Variants in DMD observed in about 807,000 individuals in gnomAD.
The protein encoded by DMD is dystrophin, also known as mutant dystrophin.
In DMD, 63 loss-of-function variants were observed where a neutral mutation model predicts 330.1. That is an observed-to-expected ratio of 0.19 (90% confidence interval 0.16 to 0.24). The LOEUF (loss-of-function observed/expected upper bound fraction) is 0.24. Among genes scored for constraint, DMD ranks in the 10% least tolerant of loss-of-function variants. The probability of loss-of-function intolerance (pLI) is 1.00; values close to 1 mark genes in which losing one functional copy is unlikely to be tolerated. For synonymous variants in DMD, 1,223 were observed against 959.8 expected, an observed-to-expected ratio of 1.27 and a Z score of -5.07; for missense variants, 3,344 against 2,684.1, an observed-to-expected ratio of 1.25 and a Z score of -5.43.
chrX:33,007,372 C>T lies in DMD; in HGVS notation c.93+12767G>A, dbSNP rs73621855. Among the ~76,000 whole-genome samples the T allele has an allele frequency of 3.8e-3, 422 of 111,088 alleles. 3 individuals carry two copies. Among genetic ancestry groups the T allele is most frequent in the African/African-American group, 0.013 (407 of 30,659 alleles). ...TCCCTCTGCCTAGAACTCTCTTCTC[C>T]AAGACACCTGCAAGATGCCCTCCTT... On this transcript the variant is annotated intron_variant, in intron 2 of 78. Transcript: ENST00000357033.
chrX:32,108,052 C>T lies in DMD; in HGVS notation c.6438+108864G>A, dbSNP rs1041639798. 2.7e-5 allele frequency among the ~76,000 whole-genome samples: 3 copies of T among 111,396 alleles called. No individual in the cohort carries two copies. In the Admixed American group the frequency reaches 2.9e-4, roughly 11 times the overall value. On this transcript the variant is annotated intron_variant, in intron 44 of 78. Coordinates refer to ENST00000357033, the MANE Select transcript of DMD (RefSeq NM_004006.3). The stretch of plus-strand genomic sequence containing the variant: ...GACATTCTCTACCCCCTGTCCCAAA[C>T]TTTAAAAAACATTTTGTGTACTGAA...
rs751397754 is a variant in DMD at position 32,970,363 on chromosome X, T to C, written c.93+49776A>G. 1.3e-4 allele frequency among the ~76,000 whole-genome samples: 12 copies of C among 94,654 alleles called. 3 individuals are homozygous for C. Among genetic ancestry groups the C allele is most frequent in the Non-Finnish European group, 2.4e-4 (12 of 49,538 alleles). The allele number at this position is 94,654 out of a possible 115,157, so 82.2% of individuals were successfully genotyped here. A position where few individuals can be genotyped will look rare whatever the true frequency, so the allele number is the denominator to read the frequency against. ...GAAGGATAAATGCTTGAGGGGTGTA[T>C]ATCCCATTCTCCATGATGTGATTAT... is the stretch of plus-strand genomic sequence containing the variant. On this transcript the variant is annotated intron_variant, in intron 2 of 78. Coordinates refer to ENST00000357033, the MANE Select transcript of DMD (RefSeq NM_004006.3).
At chrX:33,263,252 G>A (rs2052988635) in intron 1 of DMD, among the ~76,000 whole-genome samples, 1 of 109,756 alleles carries the variant, frequency 9.1e-6, no homozygotes, top group Non-Finnish European at 1.9e-5. Flanking sequence ...GAACTAGTCT[G>A]TATGTTTACC....
chrX:31,537,018 C>G (rs1038020948), intron 55 of DMD, among the ~76,000 whole-genome samples: 1 of 111,572 alleles, frequency 9.0e-6, no homozygotes, highest in Non-Finnish European at 1.9e-5. Context: ...CTTGCTCCCC[C>G]ACTTTCTCAA....
At chrX:32,252,779 TATAA>T (rs2097275918) in intron 43 of DMD, among the ~76,000 whole-genome samples, 1 of 66,928 alleles carries the variant, frequency 1.5e-5, no homozygotes, top group Non-Finnish European at 2.4e-5. Flanking sequence ...TATAAATATA[TATAA>T]ATATATATAA....
At position 31,145,872 on chromosome X, in the gene DMD, G is replaced by A. The variant is rs182107786; in HGVS notation, c.10921+419C>T. 2.5e-3 allele frequency among the ~76,000 whole-genome samples: 273 copies of A among 111,205 alleles called. 1 individual carries two copies. Among genetic ancestry groups the A allele is most frequent in the African/African-American group, 8.2e-3 (251 of 30,514 alleles). On this transcript the variant is annotated intron_variant, in intron 76 of 78. Coordinates refer to ENST00000357033, the MANE Select transcript of DMD (RefSeq NM_004006.3). ...GAGACAGGGTTTCACCATATTGGCC[G>A]GGCTGGTCTTCAACTCCTAACCTTG... is the stretch of plus-strand genomic sequence containing the variant.
rs1004659457 is a variant in DMD, at chrX:32,470,653, A to G, written c.2949+1511T>C. Among the ~76,000 whole-genome samples the G allele has an allele frequency of 3.6e-5, 4 of 111,490 alleles. No homozygotes were observed. In the East Asian group the frequency reaches 1.1e-3, roughly 31 times the overall value. On this transcript the variant is annotated intron_variant, in intron 22 of 78. Coordinates refer to ENST00000357033, the MANE Select transcript of DMD (RefSeq NM_004006.3). ...TATTAGGCAACACATTTTTCCAGAT[A>G]GACTTTGGAATCATTATGCCAAGCA...
chrX:32,766,998 G>A (rs776154438), intron 7 of DMD, among the ~76,000 whole-genome samples: 2 of 111,338 alleles, frequency 1.8e-5, no homozygotes, highest in Non-Finnish European at 3.8e-5. Flanking sequence ...GTCCAATGCC[G>A]CATTAATACA....
chrX:32,616,877 A>G (rs2057623568), intron 11 of DMD, among the ~76,000 whole-genome samples: 1 of 108,363 alleles, frequency 9.2e-6, no homozygotes, highest in Non-Finnish European at 1.9e-5. Context: ...CATCTGTATT[A>G]ACCTAATATT....
intron 50 of DMD, among the ~76,000 whole-genome samples, chrX:31,778,186 C>T (rs1391493334): frequency 3.6e-5 from 4 of 112,237 alleles, no homozygotes; most frequent in African/African-American, 1.3e-4. Context: ...CAGAATTACA[C>T]CTTTCTTGTG....
intron 77 of DMD, among the ~76,000 whole-genome samples, chrX:31,131,603 A>C (rs2034510744): frequency 8.9e-6 from 1 of 111,890 alleles, no homozygotes; most frequent in African/African-American, 3.2e-5. Flanking sequence ...CATTTGAAAG[A>C]CTTTGTAATC....
intron 12 of DMD, among the ~76,000 whole-genome samples, chrX:32,609,315 A>C (rs1254155267): frequency 9.0e-6 from 1 of 110,567 alleles, no homozygotes; most frequent in Non-Finnish European, 1.9e-5. Flanking sequence ...AGTTTTCCTA[A>C]ATTGCTGCTA....
intron 48 of DMD, among the ~76,000 whole-genome samples, chrX:31,855,747 A>G (rs1327600139): frequency 9.0e-6 from 1 of 111,457 alleles, no homozygotes; most frequent in African/African-American, 3.3e-5. Context: ...AACAGCAACA[A>G]TATATCTGCA....
At chrX:32,459,062 A>G (rs1406764005) in intron 25 of DMD, among the ~76,000 whole-genome samples, 1 of 111,308 alleles carries the variant, frequency 9.0e-6, no homozygotes, top group East Asian at 2.8e-4. Context: ...GTTATGCAAG[A>G]TGAATTAGCT....
chrX:32,840,179 T>C (rs1372744077), intron 4 of DMD, among the ~76,000 whole-genome samples: 2 of 111,901 alleles, frequency 1.8e-5, no homozygotes, highest in Non-Finnish European at 1.9e-5. Flanking sequence ...GATGAAAGCA[T>C]TGTTAATATC....
chrX:31,866,274 A>T (rs1015849776), intron 48 of DMD, among the ~76,000 whole-genome samples: 1 of 111,412 alleles, frequency 9.0e-6, no homozygotes, highest in African/African-American at 3.3e-5. Context: ...ATGGTCTCTA[A>T]AGCGTTATGC....
At chrX:32,816,819 T>C (rs755005935) in intron 5 of DMD, among the ~76,000 whole-genome samples, 179 bp from the exon 6 acceptor site, 53 of 111,907 alleles carry the variant, frequency 4.7e-4, no homozygotes, top group African/African-American at 1.7e-3. Flanking sequence ...GAGTCTATTC[T>C]GATTCATTGG....
At chrX:32,683,131 T>C (rs1348211953) in intron 9 of DMD, among the ~76,000 whole-genome samples, 1 of 111,639 alleles carries the variant, frequency 9.0e-6, no homozygotes, top group Non-Finnish European at 1.9e-5. Flanking sequence ...TGTGATACAT[T>C]AGTAAATCTC....
intron 44 of DMD, among the ~76,000 whole-genome samples, chrX:32,075,921 C>A (rs559847148): frequency 1.9e-5 from 2 of 106,529 alleles, no homozygotes; most frequent in South Asian, 8.5e-4. Context: ...TGGTGGCAGA[C>A]ACTTATAATC....
Sources: gnomAD v4.1 joint callset for allele counts (sites outside exome capture counted in the v4.1 genomes callset) on GRCh38, gnomAD v4.1.1 for gene constraint, MANE v1.5 for transcripts, NCBI Gene and HGNC (gene_info 2026-07-23, HGNC 2026-07-21) for gene names.